Variants in LDLRAD3 observed in about 807,000 individuals in gnomAD.
LDLRAD3 encodes the protein low density lipoprotein receptor class A domain containing 3, also known as low-density lipoprotein receptor class A domain-containing protein 3.
LDLRAD3 carries 20 observed loss-of-function variants against 29.4 expected under a neutral mutation model. That is an observed-to-expected ratio of 0.68 (90% CI 0.48 to 0.99). The LOEUF (loss-of-function observed/expected upper bound fraction) is 0.99, where lower values mean the gene tolerates loss of function less well. LDLRAD3 is among the 50% of genes least tolerant of loss of function. LDLRAD3 has a pLI of 0.00. For missense variants in LDLRAD3, 420 were observed against 454.3 expected (o/e 0.92, Z 0.69); for synonymous variants, 157 against 192.7 (o/e 0.81, Z 1.53).
At chr11:36,151,204 A>G (rs779206865) in intron 4 of LDLRAD3, among the ~76,000 whole-genome samples, 3 of 152,064 alleles carry the variant, frequency 2.0e-5, no homozygotes, top group Non-Finnish European at 4.4e-5. Flanking sequence ...TCTGGGAATG[A>G]CCTGAATTCT....
intron 1 of LDLRAD3, among the ~76,000 whole-genome samples, chr11:35,961,076 C>T (rs946897399): frequency 6.6e-6 from 1 of 152,218 alleles, no homozygotes; most frequent in South Asian, 2.1e-4. Flanking sequence ...CAGGCCCCAG[C>T]TCTGGACCGT....
At chr11:36,154,864 G>A (rs912909630) in intron 4 of LDLRAD3, among the ~76,000 whole-genome samples, 10 of 152,068 alleles carry the variant, frequency 6.6e-5, no homozygotes, top group African/African-American at 2.4e-4. Flanking sequence ...GTCTCCCCTG[G>A]CCTCTACCAC....
In LDLRAD3 at chr11:36,005,310, T is replaced by G. The variant is rs187178099; in HGVS notation, c.47-30793T>G. ...GAATGCTTTGCTGCTTAGAAATTTC[T>G]TCTGTGAGATACCCTAAATCATCTC... On this transcript the variant is annotated intron_variant, in intron 1 of 5. Coordinates refer to ENST00000315571, the MANE Select transcript of LDLRAD3 (RefSeq NM_174902.4). Among the ~76,000 whole-genome samples the G allele has an allele frequency of 5.1e-3, 770 of 152,362 alleles. 5 individuals carry two copies. The highest frequency in any genetic ancestry group is 8.7e-3 in the Non-Finnish European group (592 of 68,026).
chr11:36,010,635 C>T (rs1323098726), intron 1 of LDLRAD3, among the ~76,000 whole-genome samples: 1 of 152,128 alleles, frequency 6.6e-6, no homozygotes, highest in East Asian at 1.9e-4. Flanking sequence ...AAGCTTTTCC[C>T]ACCCTTATAT....
intron 1 of LDLRAD3, among the ~76,000 whole-genome samples, chr11:35,992,174 G>A (rs1048603825): frequency 1.3e-5 from 2 of 152,158 alleles, no homozygotes; most frequent in Non-Finnish European, 2.9e-5. Flanking sequence ...TAGTAGGAAA[G>A]CAGTATTGGC....
chr11:36,162,183 G>A (rs1449236352), intron 4 of LDLRAD3, among the ~76,000 whole-genome samples: 1 of 152,118 alleles, frequency 6.6e-6, no homozygotes, highest in Non-Finnish European at 1.5e-5. Flanking sequence ...CCACGGTGGG[G>A]GCAGGGTGCT....
In LDLRAD3 at chr11:36,195,543, G is replaced by T. The variant is rs374245128; in HGVS notation, c.455-31542G>T. 3.3e-5 allele frequency among the ~76,000 whole-genome samples: 5 copies of T among 152,176 alleles called. No homozygotes were observed. The East Asian group carries it at 9.6e-4, about 29-fold the overall frequency. ...ATTCAAGTAGCTTTTCATGATTAAG[G>T]CTCAGAGTATAGAAAGAACAGCTGA... is the stretch of plus-strand genomic sequence containing the variant. On this transcript the variant is annotated intron_variant, in intron 4 of 5. Transcript: ENST00000315571.
At chr11:36,225,672 A>G (rs1057229487) in intron 4 of LDLRAD3, among the ~76,000 whole-genome samples, 2 of 152,112 alleles carry the variant, frequency 1.3e-5, no homozygotes, top group African/African-American at 2.4e-5. Flanking sequence ...GGCCTTGGTC[A>G]GGGGAACTGA....
chr11:36,032,944 G>A (rs1419040493), intron 1 of LDLRAD3, among the ~76,000 whole-genome samples: 3 of 151,492 alleles, frequency 2.0e-5, no homozygotes, highest in African/African-American at 4.9e-5. Flanking sequence ...GCGTGATCTC[G>A]GCTCACTGCA....
In LDLRAD3 at chr11:35,944,856, C is replaced by G. The variant is rs1423363955; in HGVS notation, c.46+712C>G. Among the ~76,000 whole-genome samples the G allele has an allele frequency of 6.6e-6, 1 of 152,202 alleles. No homozygotes were observed. The highest frequency in any genetic ancestry group is 1.5e-5 in the Non-Finnish European group (1 of 68,036). Reference sequence around the variant, plus strand: ...AGGACACGGGGCTTCATCCGGCGGCCCTTTGAACCTGGCATCACCACCGCG... The same window carrying G: ...AGGACACGGGGCTTCATCCGGCGGCGCTTTGAACCTGGCATCACCACCGCG... On this transcript the variant is annotated intron_variant, in intron 1 of 5. Coordinates refer to ENST00000315571, the MANE Select transcript of LDLRAD3 (RefSeq NM_174902.4). The surrounding 1 kb of genome is among the most constrained non-coding windows in gnomAD (Gnocchi z 4.9).
chr11:36,103,972 C>G (rs1853488720), intron 4 of LDLRAD3, among the ~76,000 whole-genome samples: 1 of 152,182 alleles, frequency 6.6e-6, no homozygotes, highest in Non-Finnish European at 1.5e-5. Flanking sequence ...CACCTTTTGA[C>G]TATTGTGAAT....
At chr11:36,113,672 CTTTTT>C (rs745375991) in intron 4 of LDLRAD3, among the ~76,000 whole-genome samples, 2 of 126,398 alleles carry the variant, frequency 1.6e-5, no homozygotes, top group Non-Finnish European at 3.2e-5. Context: ...CATAGCATCA[CTTTTT>C]TTTTTTTTTT....
At chr11:36,090,454 G>GT (rs758016492) in intron 3 of LDLRAD3, among the ~76,000 whole-genome samples, 50 of 152,174 alleles carry the variant, frequency 3.3e-4, no homozygotes, top group Non-Finnish European at 6.3e-4. Context: ...GGAGAAAGAT[G>GT]TTTATTTCTG....
At chr11:35,956,536 T>C (rs1851202979) in intron 1 of LDLRAD3, among the ~76,000 whole-genome samples, 1 of 152,164 alleles carries the variant, frequency 6.6e-6, no homozygotes, top group South Asian at 2.1e-4. Flanking sequence ...GAGGCATTGA[T>C]GTGGTGATTA....
At chr11:36,153,809 C>G (rs1328919749) in intron 4 of LDLRAD3, among the ~76,000 whole-genome samples, 1 of 152,108 alleles carries the variant, frequency 6.6e-6, no homozygotes, top group South Asian at 2.1e-4. Context: ...GGGGGTTTCT[C>G]TAGCTTGCTT....
rs116018165 is a variant in LDLRAD3 at position 35,950,404 on chromosome 11, G to A, written c.46+6260G>A. ...AAAATACTGGTATACGTGTATTGGTGCTCTGTGACTTTTCTAGCTCTAGGC... is the reference window on the plus strand; with the variant it reads ...AAAATACTGGTATACGTGTATTGGTACTCTGTGACTTTTCTAGCTCTAGGC... On this transcript the variant is annotated intron_variant, in intron 1 of 5. Coordinates refer to ENST00000315571, the MANE Select transcript of LDLRAD3 (RefSeq NM_174902.4). Among the ~76,000 whole-genome samples, 66 of 152,280 alleles carry A rather than the reference G, an allele frequency of 4.3e-4. 1 individual carries two copies. Among genetic ancestry groups the A allele is most frequent in the African/African-American group, 1.5e-3 (63 of 41,548 alleles).
chr11:36,142,659 C>A (rs1300334206), intron 4 of LDLRAD3, among the ~76,000 whole-genome samples: 1 of 151,988 alleles, frequency 6.6e-6, no homozygotes, highest in Non-Finnish European at 1.5e-5. Flanking sequence ...GTGGTGCACC[C>A]GGTGCAGCCG....
At chr11:36,173,053 G>A (rs1302436967) in intron 4 of LDLRAD3, among the ~76,000 whole-genome samples, 1 of 152,058 alleles carries the variant, frequency 6.6e-6, no homozygotes, top group South Asian at 2.1e-4. Context: ...GTTTAATCTA[G>A]GAGGGTTGTA....
At chr11:36,042,340 G>A (rs1364686226) in intron 2 of LDLRAD3, among the ~76,000 whole-genome samples, 7 of 152,062 alleles carry the variant, frequency 4.6e-5, no homozygotes, top group African/African-American at 7.2e-5. Flanking sequence ...ACCTAATGCC[G>A]GCTCCACACA....
Sources: allele counts gnomAD v4.1 joint callset (sites outside exome capture counted in the v4.1 genomes callset), GRCh38; gene constraint gnomAD v4.1.1; non-coding constraint Gnocchi (gnomAD v3.1); transcripts MANE v1.5; gene names NCBI Gene and HGNC (gene_info 2026-07-23, HGNC 2026-07-21).